Variants in CYP4B1 observed in about 807,000 individuals in gnomAD.
CYP4B1 encodes the protein cytochrome P450 4B1.
A neutral mutation model predicts 54.0 loss-of-function variants in CYP4B1; 45 were observed. The observed-to-expected ratio is 0.83, with a 90% confidence interval of 0.66 to 1.07. The LOEUF is 1.07. Among genes scored for constraint, CYP4B1 ranks in the 50% least tolerant of loss-of-function variants. The pLI is 0.00. For missense variants in CYP4B1, 656 were observed against 655.4 expected, an observed-to-expected ratio of 1.00 and a Z score of -0.01; for synonymous variants, 248 against 247.5, an observed-to-expected ratio of 1.00 and a Z score of -0.02.
At chr1:46,815,475 C>T in intron 8 of CYP4B1, 1 of 435,608 alleles carries the variant, frequency 2.3e-6, no homozygotes, top group Non-Finnish European at 4.0e-6. Context: ...TGGAGCCTTT[C>T]AGAAGTGTTA....
intron 1 of CYP4B1, among the ~76,000 whole-genome samples, chr1:46,800,480 G>A (rs963725111): frequency 6.6e-6 from 1 of 151,826 alleles, no homozygotes; most frequent in Middle Eastern, 3.2e-3. Flanking sequence ...ACAGGCACGC[G>A]CCACCATGCC....
At chr1:46,814,362 G>T in intron 7 of CYP4B1, 47 bp downstream of exon 7, 1 of 1,429,618 alleles carries the variant, frequency 7.0e-7, no homozygotes, top group South Asian at 1.2e-5. Flanking sequence ...GTCCCAGAGA[G>T]GTCTTCAACC....
rs934297858 is a variant in CYP4B1 at position 46,814,267 on chromosome 1, C to T, written c.834C>T (p.Ile278=). Residue 278 remains isoleucine, a synonymous_variant, in exon 7 of 12, where the codon ATC becomes ATT. Coordinates refer to ENST00000371923, the MANE Select transcript of CYP4B1 (RefSeq NM_001099772.2). ...AGGATGAGAAGGTGCGGAAGAAGAT[C>T]CAGAACCGGAGGCACCTGGACTTCC... ...ALQDEKVRKK[I]QNRRHLDFLD... The T allele has an allele frequency of 6.2e-7, 1 of 1,614,160 alleles. No homozygotes were observed. Among genetic ancestry groups the T allele is most frequent in the Non-Finnish European group, 8.5e-7 (1 of 1,180,020 alleles).
intron 4 of CYP4B1, 22 bp downstream of exon 4, chr1:46,812,645 A>G: frequency 1.2e-6 from 2 of 1,608,552 alleles, no homozygotes; most frequent in Non-Finnish European, 1.7e-6. Flanking sequence ...GTGCCAGAGT[A>G]CTGGAGGCTG....
At chr1:46,802,188 T>TGG (rs994882945) in intron 1 of CYP4B1, among the ~76,000 whole-genome samples, 2 of 150,892 alleles carry the variant, frequency 1.3e-5, no homozygotes, top group South Asian at 2.2e-4. Flanking sequence ...TTGGTGTGTG[T>TGG]GGGTGTGTGT....
At chr1:46,813,702 G>T in intron 5 of CYP4B1, 96 bp downstream of exon 5, 3 of 1,555,638 alleles carry the variant, frequency 1.9e-6, no homozygotes, top group South Asian at 2.3e-5. Context: ...AGAAGAGATA[G>T]GGTCCTGCCC....
At chr1:46,818,360 G>T in intron 11 of CYP4B1, 147 bp downstream of exon 11, 2 of 808,058 alleles carry the variant, frequency 2.5e-6, no homozygotes, top group Non-Finnish European at 4.0e-6. Flanking sequence ...GCTTCTTCTT[G>T]CAATTATCAT....
intron 2 of CYP4B1, 67 bp downstream of exon 2, chr1:46,811,016 G>C: frequency 1.2e-6 from 2 of 1,603,882 alleles, no homozygotes; most frequent in Non-Finnish European, 1.7e-6. Context: ...CTCAGGGCAT[G>C]ATATGGGGAG....
intron 3 of CYP4B1, 41 bp downstream of exon 3, chr1:46,811,225 C>G (rs767615933): frequency 6.2e-7 from 1 of 1,602,708 alleles, no homozygotes; most frequent in African/African-American, 1.3e-5. Context: ...CAACCTCAGA[C>G]CCGTGGTGCT....
In CYP4B1 at chr1:46,818,854, C is replaced by A. The variant is rs3766196; in HGVS notation, c.*40C>A. ...GGGTCCCAGATGGCTCAGGCTGTGA[C>A]CTCCCTGGGCACCACCCTCCCCAGG... On this transcript the variant is annotated 3_prime_UTR_variant, in exon 12 of 12. Transcript: ENST00000371923. 196,166 of 1,599,538 alleles carry A rather than the reference C, an allele frequency of 0.12. 13,012 individuals carry two copies. The highest frequency in any genetic ancestry group is 0.2 in the South Asian group (18,137 of 90,346).
chr1:46,811,507 G>C (rs1569890383), intron 3 of CYP4B1, among the ~76,000 whole-genome samples: 2 of 152,326 alleles, frequency 1.3e-5, no homozygotes, highest in Admixed American at 1.3e-4. Flanking sequence ...GTGCTGGCCA[G>C]GGCAAGGGCC....
chr1:46,815,040 C>T, intron 7 of CYP4B1, 34 bp from the exon 8 acceptor site: 3 of 1,600,160 alleles, frequency 1.9e-6, no homozygotes, highest in Non-Finnish European at 2.6e-6. Context: ...CCTCCAATAC[C>T]TCAAGCTGTC....
Position 46,799,047 on chromosome 1 carries a change from G to A in CYP4B1, c.-35G>A. The A allele has an allele frequency of 6.2e-7, 1 of 1,610,288 alleles. No homozygotes were observed. The highest frequency in any genetic ancestry group is 8.5e-7 in the Non-Finnish European group (1 of 1,177,768). ...AGGAACCCAGGAGCAGCTGAAGGCA[G>A]GTCAGATGAAGGCTAGGTGGCTGGA... On this transcript the variant is annotated 5_prime_UTR_variant, in exon 1 of 12. Transcript: ENST00000371923.
chr1:46,817,237 C>T, intron 9 of CYP4B1, 56 bp downstream of exon 9: 1 of 1,601,512 alleles, frequency 6.2e-7, no homozygotes, highest in Non-Finnish European at 8.5e-7. Flanking sequence ...CCTCTGGCAC[C>T]CTCTGTGCCT....
chr1:46,812,313 G>T (rs1412704507), intron 3 of CYP4B1, 183 bp from the exon 4 acceptor site: 2 of 719,796 alleles, frequency 2.8e-6, no homozygotes, highest in Non-Finnish European at 5.0e-6. Flanking sequence ...GCCAAGAACT[G>T]CTGCCACCTG....
chr1:46,810,764 AC>A, intron 1 of CYP4B1, 43 bp from the exon 2 acceptor site: 1 of 1,611,894 alleles, frequency 6.2e-7, no homozygotes, highest in Non-Finnish European at 8.5e-7. Context: ...CTAGCTGGTG[AC>A]AATGTGTTCC....
At position 46,815,153 on chromosome 1, in the gene CYP4B1, C is replaced by T. The variant is rs1372014969; in HGVS notation, c.962C>T (p.Thr321Ile). The part of the protein sequence containing the change: ...DTFMFEGHDT[T>I]TSGISWFLYC... ...TTCATGTTTGAAGGCCATGACACCA[C>T]CACCAGTGGTATCTCCTGGTTTCTC... The change falls in exon 8 of 12, where the codon ACC (threonine) becomes ATC (isoleucine). Residue 321 changes from threonine (T) to isoleucine (I), a missense_variant. Transcript: ENST00000371923. The T allele has an allele frequency of 1.2e-6, 2 of 1,614,132 alleles. No homozygotes were observed. The highest frequency in any genetic ancestry group is 1.7e-5 in the Admixed American group (1 of 60,030).
intron 1 of CYP4B1, among the ~76,000 whole-genome samples, chr1:46,799,561 C>T (rs1171027254): frequency 6.6e-6 from 1 of 152,216 alleles, no homozygotes; most frequent in African/African-American, 2.4e-5. Context: ...TCAGCAATGA[C>T]AGAAAGGCAA....
intron 7 of CYP4B1, 63 bp downstream of exon 7, chr1:46,814,378 C>T (rs1679247421): frequency 3.3e-6 from 4 of 1,211,404 alleles, no homozygotes; most frequent in Middle Eastern, 4.6e-4. Flanking sequence ...CAACCATCCT[C>T]CCAGGACAGC....
Sources: gnomAD v4.1 joint callset for allele counts (sites outside exome capture counted in the v4.1 genomes callset) on GRCh38, gnomAD v4.1.1 for gene constraint, MANE v1.5 for transcripts, NCBI Gene and HGNC (gene_info 2026-07-23, HGNC 2026-07-21) for gene names.